Variants in SASH1 observed in about 807,000 individuals in gnomAD.
SASH1 encodes the protein SAM and SH3 domain-containing protein 1.
SASH1 carries 44 observed loss-of-function variants against 125.2 expected under a neutral mutation model. The ratio of observed to expected loss-of-function variants is 0.35; its 90% CI spans 0.28 to 0.45. SASH1 has a LOEUF of 0.45. Ranked by LOEUF, SASH1 falls within the 20% of genes least tolerant of loss-of-function variation. SASH1 has a pLI of 1.00. For missense variants in SASH1, 1,426 were observed against 1,614.5 expected (o/e 0.88, Z 2.00); for synonymous variants, 639 against 649.1 (o/e 0.98, Z 0.24).
intron 7 of SASH1, among the ~76,000 whole-genome samples, chr6:148,484,465 T>A (rs1212800487): frequency 1.3e-5 from 2 of 152,088 alleles, no homozygotes; most frequent in African/African-American, 2.4e-5. Context: ...GAAATTATAA[T>A]TAAACCAAAA....
the SASH1 span, among the ~76,000 whole-genome samples, chr6:148,235,435 T>C: frequency 6.6e-6 from 1 of 152,244 alleles, no homozygotes; most frequent in Non-Finnish European, 1.5e-5. Flanking sequence ...CATGGAGGCA[T>C]AGCTAACACT....
At chr6:148,193,539 G>A in the SASH1 span, among the ~76,000 whole-genome samples, 1 of 152,184 alleles carries the variant, frequency 6.6e-6, no homozygotes, top group African/African-American at 2.4e-5. Context: ...CAGCACAAGT[G>A]ACACATTTGA....
rs755063210 is a variant in SASH1 at position 148,440,247 on chromosome 6, A to T, written c.336+13A>T. On this transcript the variant is annotated intron_variant, in intron 3 of 19. Transcript: ENST00000367467. ...GTCCCAGATCGAAGTAAGCACAATGACTTTAATCATCTAGTTTTGCTTCTG... is the reference window on the plus strand; with the variant it reads ...GTCCCAGATCGAAGTAAGCACAATGTCTTTAATCATCTAGTTTTGCTTCTG... 6.2e-7 allele frequency: 1 copy of T among 1,612,264 alleles called. No individual in the cohort carries two copies. The highest frequency in any genetic ancestry group is 2.2e-5 in the East Asian group (1 of 44,812).
At chr6:148,384,990 A>AT (rs1342857466) in intron 1 of SASH1, among the ~76,000 whole-genome samples, 3 of 152,172 alleles carry the variant, frequency 2.0e-5, no homozygotes, top group Admixed American at 2.0e-4. Flanking sequence ...AATGTAAAAG[A>AT]TTCTTTTTGT....
chr6:148,227,415 T>C, the SASH1 span, among the ~76,000 whole-genome samples: 1 of 152,152 alleles, frequency 6.6e-6, no homozygotes, highest in Non-Finnish European at 1.5e-5. Context: ...TGGGGTGCAG[T>C]GGTGCAATCT....
chr6:148,413,854 T>A (rs563702419), intron 2 of SASH1, among the ~76,000 whole-genome samples: 2 of 151,606 alleles, frequency 1.3e-5, no homozygotes, highest in African/African-American at 4.8e-5. Flanking sequence ...AACCTGGTTG[T>A]ATGAACATGC....
At chr6:148,362,129 G>T (rs9373556) in intron 1 of SASH1, among the ~76,000 whole-genome samples, 2 of 151,212 alleles carry the variant, frequency 1.3e-5, no homozygotes, top group African/African-American at 4.9e-5. Flanking sequence ...GGGTTTCTCC[G>T]TGTTAGCCAG....
At chr6:148,431,335 A>T (rs1317664044) in intron 2 of SASH1, among the ~76,000 whole-genome samples, 2 of 151,866 alleles carry the variant, frequency 1.3e-5, no homozygotes, top group Non-Finnish European at 2.9e-5. Context: ...AGTGGCTGGG[A>T]CTACAGATGC....
At position 148,551,781 on chromosome 6, in the gene SASH1, A is replaced by AAATC. The variant is rs1782887740; in HGVS notation, c.*3227_*3230dup. ...AACAACATTGCACTTTCTGTATATG[A>AAATC]AATCAATATTTAAATAACTTATTTT... On this transcript the variant is annotated 3_prime_UTR_variant, in exon 20 of 20. Transcript: ENST00000367467. 1 of 152,704 alleles carries AAATC rather than the reference A, an allele frequency of 6.5e-6. No individual in the cohort carries two copies. The highest frequency in any genetic ancestry group is 2.1e-4 in the South Asian group (1 of 4,832). The allele number at this position is 152,704 out of a possible 1,614,324, so 9.5% of individuals were successfully genotyped here.
rs1271494891 is a variant in SASH1 at position 148,533,907 on chromosome 6, C to A, written c.1871C>A (p.Thr624Asn). Residue 624 changes from threonine to asparagine, a missense_variant, in exon 15 of 20, where the codon ACC (threonine) becomes AAC (asparagine). Transcript: ENST00000367467. The surrounding 1 kb of genome is among the most constrained non-coding windows in gnomAD (Gnocchi z 6.2). ...SEDEEKPKRP[T>N]RRRRKGRPPQ... ...GACGAGGAGAAACCCAAACGCCCCACCAGGAGGCGTCGGAAAGGACGACCA... is the reference window on the plus strand; with the variant it reads ...GACGAGGAGAAACCCAAACGCCCCAACAGGAGGCGTCGGAAAGGACGACCA... 2 of 1,614,020 alleles carry A rather than the reference C, an allele frequency of 1.2e-6. No individual in the cohort carries two copies. The highest frequency in any genetic ancestry group is 2.2e-5 in the South Asian group (2 of 91,066).
chr6:148,204,369 T>A, the SASH1 span, among the ~76,000 whole-genome samples: 1 of 152,124 alleles, frequency 6.6e-6, no homozygotes, highest in South Asian at 2.1e-4. Flanking sequence ...TCATTCTGAG[T>A]CTCCCCCAAA....
chr6:148,528,795 C>G (rs1284513474), intron 12 of SASH1, among the ~76,000 whole-genome samples: 1 of 152,142 alleles, frequency 6.6e-6, no homozygotes, highest in Non-Finnish European at 1.5e-5. Flanking sequence ...GGATGATTCA[C>G]ATGCATTACA....
intron 1 of SASH1, among the ~76,000 whole-genome samples, chr6:148,350,066 C>T (rs907194105): frequency 5.9e-5 from 9 of 151,842 alleles, no homozygotes; most frequent in African/African-American, 1.7e-4. Context: ...AGGATGGTCT[C>T]GATCTCCTGA....
At chr6:148,525,561 C>T (rs1265915681) in intron 11 of SASH1, among the ~76,000 whole-genome samples, 196 bp downstream of exon 11, 1 of 152,234 alleles carries the variant, frequency 6.6e-6, no homozygotes, top group African/African-American at 2.4e-5. Context: ...TGACCACTCT[C>T]ACTGCCATCT....
At chr6:148,504,956 C>T (rs1159362301) in intron 8 of SASH1, among the ~76,000 whole-genome samples, 2 of 152,168 alleles carry the variant, frequency 1.3e-5, no homozygotes, top group Non-Finnish European at 2.9e-5. Context: ...AGAGGCCGCT[C>T]AGGGGAAGTA....
At chr6:148,255,952 A>G in the SASH1 span, among the ~76,000 whole-genome samples, 8 of 152,090 alleles carry the variant, frequency 5.3e-5, no homozygotes, top group Non-Finnish European at 8.8e-5. Context: ...AAAGCTTTTC[A>G]AGTAGATAAG....
intron 8 of SASH1, among the ~76,000 whole-genome samples, chr6:148,502,451 G>A (rs764222339): frequency 1.2e-4 from 18 of 152,172 alleles, no homozygotes; most frequent in Non-Finnish European, 2.4e-4. Context: ...TATTTGAACA[G>A]TGAGACTAAT....
chr6:148,529,169 C>T lies in SASH1; in HGVS notation c.1428+1573C>T, dbSNP rs1781367068. On this transcript the variant is annotated intron_variant, in intron 12 of 19. Coordinates refer to ENST00000367467, the MANE Select transcript of SASH1 (RefSeq NM_015278.5). The surrounding 1 kb of genome is among the most constrained non-coding windows in gnomAD (Gnocchi z 4.2). The stretch of plus-strand genomic sequence containing the variant: ...GCCACTCACCTCCTGCTGTACGGCC[C>T]ACTTCTTAACAGGCCACAGACGGGT... Among the ~76,000 whole-genome samples, 1 of 152,288 alleles carries T rather than the reference C, an allele frequency of 6.6e-6. No individual in the cohort carries two copies. The highest frequency in any genetic ancestry group is 2.1e-4 in the South Asian group (1 of 4,818).
chr6:148,455,757 G>A (rs1777310068), intron 4 of SASH1, among the ~76,000 whole-genome samples: 1 of 152,234 alleles, frequency 6.6e-6, no homozygotes, highest in South Asian at 2.1e-4. Context: ...GTTGCTGCTG[G>A]CTGGACGCAG....
Sources: allele counts gnomAD v4.1 joint callset (sites outside exome capture counted in the v4.1 genomes callset), GRCh38; gene constraint gnomAD v4.1.1; non-coding constraint Gnocchi (gnomAD v3.1); transcripts MANE v1.5; gene names NCBI Gene and HGNC (gene_info 2026-07-23, HGNC 2026-07-21).